The following PDE10A variants were observed in gnomAD, a reference collection of about 807,000 sequenced individuals.
The protein encoded by PDE10A is phosphodiesterase 10A, also known as cAMP and cAMP-inhibited cGMP 3',5'-cyclic phosphodiesterase 10A.
In PDE10A, 39 loss-of-function variants were observed where a neutral mutation model predicts 97.7. The ratio of observed to expected loss-of-function variants is 0.40; its 90% CI spans 0.31 to 0.52. PDE10A has a LOEUF of 0.52. PDE10A is among the 20% of genes least tolerant of loss of function. The pLI is 0.56. For synonymous variants in PDE10A, 371 were observed against 376.8 expected (o/e 0.98, Z 0.18); for missense variants, 731 against 1,047.8 (o/e 0.70, Z 4.17).
intron 1 of PDE10A, among the ~76,000 whole-genome samples, chr6:165,606,547 C>T (rs566939699): frequency 1.1e-4 from 16 of 152,130 alleles, no homozygotes; most frequent in South Asian, 2.1e-4. Flanking sequence ...CTTCCTTCCA[C>T]CTGCTATTGA....
intron 1 of PDE10A, among the ~76,000 whole-genome samples, chr6:165,765,799 A>G (rs113509918): frequency 0.1 from 15,649 of 152,264 alleles, 980 homozygotes; most frequent in South Asian, 0.19. Context: ...CAGAGGAGGC[A>G]CCCAGAGTGA....
At chr6:165,797,788 G>A (rs1778868677) in intron 1 of PDE10A, among the ~76,000 whole-genome samples, 1 of 152,152 alleles carries the variant, frequency 6.6e-6, no homozygotes, top group African/African-American at 2.4e-5. Flanking sequence ...TGAAATGACA[G>A]AAGGCAAACC....
chr6:165,916,771 T>C (rs144700015), intron 1 of PDE10A, among the ~76,000 whole-genome samples: 1 of 152,148 alleles, frequency 6.6e-6, no homozygotes, highest in Non-Finnish European at 1.5e-5. Context: ...TGACCAACAA[T>C]TCTCTCTTTT....
intron 1 of PDE10A, among the ~76,000 whole-genome samples, chr6:165,963,880 C>T (rs893008318): frequency 2.4e-4 from 36 of 152,206 alleles, no homozygotes; most frequent in Admixed American, 2.2e-3. Context: ...TCTCACCTGC[C>T]AAACTCTGAC....
At chr6:165,501,304 G>C (rs1003264223) in intron 2 of PDE10A, among the ~76,000 whole-genome samples, 4 of 152,186 alleles carry the variant, frequency 2.6e-5, no homozygotes, top group African/African-American at 9.7e-5. Context: ...GCTCACGCCT[G>C]TAATCCCAGC....
intron 12 of PDE10A, among the ~76,000 whole-genome samples, chr6:165,414,193 A>C (rs1466246248): frequency 1.3e-5 from 2 of 152,214 alleles, no homozygotes; most frequent in East Asian, 3.9e-4. Context: ...GTTGTATTGG[A>C]ACACAGCCAC....
intron 1 of PDE10A, among the ~76,000 whole-genome samples, chr6:165,916,245 C>T (rs1339237556): frequency 6.6e-6 from 1 of 152,188 alleles, no homozygotes; most frequent in Admixed American, 6.5e-5. Context: ...CTGCCAGTAC[C>T]AAAAGGTAAA....
chr6:165,602,777 G>A (rs946875124), intron 1 of PDE10A, among the ~76,000 whole-genome samples: 2 of 152,094 alleles, frequency 1.3e-5, no homozygotes, highest in African/African-American at 4.8e-5. Context: ...CACACCTCAT[G>A]CCTACCTACT....
chr6:165,752,805 G>A (rs1471634717), intron 1 of PDE10A, among the ~76,000 whole-genome samples: 1 of 152,210 alleles, frequency 6.6e-6, no homozygotes, highest in East Asian at 1.9e-4. Flanking sequence ...CTGCGAAGAA[G>A]GAAACGCTAT....
At position 165,576,199 on chromosome 6, in the gene PDE10A, C is replaced by T. The variant is rs112626543; in HGVS notation, c.866-32631G>A. ...CCAGTATGAAACACTGTAAACTTTT[C>T]GGTGCAATGAAACCCTGTCAATGAT... On this transcript the variant is annotated intron_variant, in intron 1 of 21. Coordinates refer to ENST00000539869, the MANE Select transcript of PDE10A (RefSeq NM_001385079.1). 5.9e-3 allele frequency among the ~76,000 whole-genome samples: 897 copies of T among 152,286 alleles called. 12 individuals are homozygous for T. Among genetic ancestry groups the T allele is most frequent in the African/African-American group, 0.02 (846 of 41,562 alleles).
At chr6:165,382,800 G>A (rs1023016710) in intron 17 of PDE10A, among the ~76,000 whole-genome samples, 1 of 151,894 alleles carries the variant, frequency 6.6e-6, no homozygotes, top group African/African-American at 2.4e-5. Context: ...AGTTAAAAAA[G>A]GAAAGACAGA....
intron 1 of PDE10A, among the ~76,000 whole-genome samples, chr6:165,901,407 G>A (rs954450897): frequency 2.6e-5 from 4 of 152,094 alleles, no homozygotes; most frequent in South Asian, 4.2e-4. Flanking sequence ...TGGCTCCTGC[G>A]GCACAGAGAA....
At chr6:165,639,851 T>A (rs1789047785) in intron 1 of PDE10A, among the ~76,000 whole-genome samples, 1 of 152,066 alleles carries the variant, frequency 6.6e-6, no homozygotes, top group South Asian at 2.1e-4. Context: ...GAGGACTGCT[T>A]GAGCCCAGGA....
chr6:165,369,656 A>G (rs903069936), intron 18 of PDE10A, among the ~76,000 whole-genome samples: 1 of 143,070 alleles, frequency 7.0e-6, no homozygotes, highest in Non-Finnish European at 1.5e-5. Flanking sequence ...AACACTCTGC[A>G]GGATATTATC....
intron 18 of PDE10A, among the ~76,000 whole-genome samples, chr6:165,354,601 G>A (rs1782906093): frequency 1.3e-5 from 2 of 152,184 alleles, no homozygotes; most frequent in South Asian, 2.1e-4. Context: ...GAGGTAAAGT[G>A]TCCATCTGCA....
chr6:165,745,952 C>A (rs1792833742), intron 1 of PDE10A, among the ~76,000 whole-genome samples: 1 of 152,158 alleles, frequency 6.6e-6, no homozygotes, highest in African/African-American at 2.4e-5. Flanking sequence ...TTTTTTATAT[C>A]TTAAGCTGGA....
chr6:165,975,697 A>AC (rs1362758799), intron 1 of PDE10A, among the ~76,000 whole-genome samples: 1 of 152,234 alleles, frequency 6.6e-6, no homozygotes, highest in Non-Finnish European at 1.5e-5. Context: ...TATGACTAGC[A>AC]AGGCTATGCC....
At chr6:165,958,626 GAAGGAAGGAAGA>G (rs1284294399) in intron 1 of PDE10A, among the ~76,000 whole-genome samples, 3 of 150,998 alleles carry the variant, frequency 2.0e-5, no homozygotes, top group African/African-American at 2.4e-5. Flanking sequence ...AGGAAGGAAT[GAAGGAAGGAAGA>G]AAGGAAGGAA....
At chr6:165,342,165 C>T (rs1005830594) in intron 19 of PDE10A, among the ~76,000 whole-genome samples, 1 of 130,540 alleles carries the variant, frequency 7.7e-6, no homozygotes, top group African/African-American at 3.3e-5. Flanking sequence ...ATATTTTATG[C>T]ACTTATGGCA....
Sources: gnomAD v4.1 joint callset for allele counts (sites outside exome capture counted in the v4.1 genomes callset) on GRCh38, gnomAD v4.1.1 for gene constraint, MANE v1.5 for transcripts, NCBI Gene and HGNC (gene_info 2026-07-23, HGNC 2026-07-21) for gene names.